The following PIGQ variants were observed in gnomAD, a reference collection of about 807,000 sequenced individuals.
The protein encoded by PIGQ is phosphatidylinositol glycan anchor biosynthesis class Q, also known as phosphatidylinositol N-acetylglucosaminyltransferase subunit Q.
In PIGQ, 54 loss-of-function variants were observed where a neutral mutation model predicts 60.3. The ratio of observed to expected loss-of-function variants is 0.90; its 90% CI spans 0.72 to 1.12. The LOEUF is 1.12. Among genes scored for constraint, PIGQ ranks in the 50% most tolerant of loss-of-function variants. PIGQ has a pLI of 0.00. For synonymous variants in PIGQ, 416 were observed against 363.7 expected (o/e 1.14, Z -1.64); for missense variants, 799 against 793.5 (o/e 1.01, Z -0.08).
intron 1 of PIGQ, among the ~76,000 whole-genome samples, chr16:573,686 G>A (rs1345608076): frequency 6.6e-6 from 1 of 152,202 alleles, no homozygotes; most frequent in Non-Finnish European, 1.5e-5. Context: ...CTCTAATCAG[G>A]TTTCTTAAAA....
At chr16:580,112 A>C in intron 7 of PIGQ, 71 bp from the exon 8 acceptor site, 2 of 1,152,610 alleles carry the variant, frequency 1.7e-6, no homozygotes, top group Non-Finnish European at 2.5e-6. Flanking sequence ...GGGATGGGGG[A>C]GGGCACAGTG....
chr16:581,352 C>T (rs775995294), intron 9 of PIGQ: 23 of 1,204,304 alleles, frequency 1.9e-5, no homozygotes, highest in Non-Finnish European at 2.2e-5. Flanking sequence ...GTAAGTGCCC[C>T]GTCCGCTGTG....
At chr16:571,316 T>C (rs2035620860) in intron 1 of PIGQ, among the ~76,000 whole-genome samples, 1 of 83,932 alleles carries the variant, frequency 1.2e-5, no homozygotes, top group African/African-American at 5.2e-5. Context: ...CTGGCTAGCC[T>C]GGCAACCATG....
chr16:578,853 G>A lies in PIGQ; in HGVS notation c.1138G>A (p.Gly380Ser). The A allele has an allele frequency of 6.2e-7, 1 of 1,613,822 alleles. No individual in the cohort carries two copies. ...GCACGTGGGCCTCTCGGCCTGCCTGGGCCTGACGGTGGCCCTGTCCCTCCT... is the reference window on the plus strand; with the variant it reads ...GCACGTGGGCCTCTCGGCCTGCCTGAGCCTGACGGTGGCCCTGTCCCTCCT... ...LWHVGLSACL[G>S]LTVALSLLSD... Residue 380 changes from glycine to serine, a missense_variant, in exon 6 of 11, where the codon GGC (glycine) becomes AGC (serine). Physicochemically the swap from Gly to Ser is moderately conservative, Grantham distance 56 (BLOSUM62 0). Transcript: ENST00000321878.
rs749930412 is a variant in PIGQ at position 578,470 on chromosome 16, G to T, written c.1034G>T (p.Gly345Val). Residue 345 changes from glycine to valine, a missense_variant, in exon 5 of 11, where the codon GGC (glycine) becomes GTC (valine). Physicochemically the swap from Gly to Val is moderately radical, Grantham distance 109. Coordinates refer to ENST00000321878, the MANE Select transcript of PIGQ (RefSeq NM_004204.5). ...KMNRALDQVLGRFFLYHIHLW... is the reference protein window; with the variant it reads ...KMNRALDQVLVRFFLYHIHLW... ...AACCGTGCACTGGACCAGGTGCTGG[G>T]CCGCTTCTTCCTCTACCACATCCAC... is the stretch of plus-strand genomic sequence containing the variant. 11 of 1,612,700 alleles carry T rather than the reference G, an allele frequency of 6.8e-6. No individual in the cohort carries two copies. Among genetic ancestry groups the T allele is most frequent in the Non-Finnish European group, 8.5e-6 (10 of 1,179,886 alleles).
In PIGQ at chr16:578,951, T is replaced by C; in HGVS notation, c.1223+13T>C. 2 of 1,515,248 alleles carry C rather than the reference T, an allele frequency of 1.3e-6. No individual in the cohort carries two copies. The highest frequency in any genetic ancestry group is 1.1e-5 in the South Asian group (1 of 89,344). 93.9% of individuals were successfully genotyped at this position (1,515,248 alleles called of 1,614,324 possible). ...TCTATGGAGCCAGGTGGGCGTGGGC[T>C]TCCCCCTCCCCACCGCCCCCTGGGA... On this transcript the variant is annotated intron_variant, in intron 6 of 10. Coordinates refer to ENST00000321878, the MANE Select transcript of PIGQ (RefSeq NM_004204.5).
intron 1 of PIGQ, among the ~76,000 whole-genome samples, chr16:572,992 C>T (rs916172763): frequency 5.9e-5 from 9 of 152,230 alleles, no homozygotes; most frequent in South Asian, 2.1e-4. Context: ...CTGAGGAAGG[C>T]GAGCGGCCCA....
At chr16:579,298 G>T (rs368106381) in intron 7 of PIGQ, 118 bp downstream of exon 7, 1 of 737,428 alleles carries the variant, frequency 1.4e-6, no homozygotes, top group Non-Finnish European at 2.3e-6. Context: ...AGCTGAGGCC[G>T]CGCACAGGCC....
rs2035857881 is a variant in PIGQ at position 583,841 on chromosome 16, G to A, written c.*806G>A. The A allele has an allele frequency of 3.0e-6, 2 of 657,568 alleles. No homozygotes were observed. The highest frequency in any genetic ancestry group is 2.7e-5 in the East Asian group (1 of 36,390). 40.7% of individuals were successfully genotyped at this position (657,568 alleles called of 1,614,324 possible). A position where few individuals can be genotyped will look rare whatever the true frequency, so the allele number is the denominator to read the frequency against. On this transcript the variant is annotated 3_prime_UTR_variant, in exon 11 of 11. Transcript: ENST00000321878. Reference sequence around the variant, plus strand: ...GTGCAGACACCTCTGTGGCCCCCCAGGAGTGTGAGTGGCCTGGGGAGGGGG... The same window carrying A: ...GTGCAGACACCTCTGTGGCCCCCCAAGAGTGTGAGTGGCCTGGGGAGGGGG...
At position 578,698 on chromosome 16, in the gene PIGQ, G is replaced by A. The variant is rs1486062993; in HGVS notation, c.1070-87G>A. 1.8e-5 allele frequency: 26 copies of A among 1,482,266 alleles called. No individual in the cohort carries two copies. The East Asian group carries it at 3.2e-4, about 18-fold the overall frequency. The allele number at this position is 1,482,266 out of a possible 1,614,324, so 91.8% of individuals were successfully genotyped here. On this transcript the variant is annotated intron_variant, in intron 5 of 10. Coordinates refer to ENST00000321878, the MANE Select transcript of PIGQ (RefSeq NM_004204.5). ...CTGACCCCACCCTGCCAGGCTACAC[G>A]CACCTCATGTCCTGTGTGTGTGAGG...
intron 1 of PIGQ, among the ~76,000 whole-genome samples, chr16:572,313 A>T (rs1364259709): frequency 6.6e-6 from 1 of 151,618 alleles, no homozygotes; most frequent in African/African-American, 2.4e-5. Flanking sequence ...CCACTGAGGA[A>T]ATGGGCATTT....
Position 582,699 on chromosome 16 carries a change from C to A in PIGQ, c.1594-184C>A, listed in dbSNP as rs3743901. The A allele has an allele frequency of 6.8e-5, 48 of 700,900 alleles. 1 individual carries two copies. In the South Asian group the frequency reaches 7.3e-4, roughly 11 times the overall value. 43.4% of individuals were successfully genotyped at this position (700,900 alleles called of 1,614,324 possible). On this transcript the variant is annotated intron_variant, in intron 10 of 10. Transcript: ENST00000321878. ...GGGGAGATGCAGCTTCTGCCTCCCC[C>A]CAGCGCTCCCTTCTGGCTGCAGGCT...
chr16:581,356 C>T (rs975648936), intron 9 of PIGQ: 28 of 1,199,908 alleles, frequency 2.3e-5, no homozygotes, highest in South Asian at 6.4e-5. Flanking sequence ...GTGCCCCGTC[C>T]GCTGTGCCGG....
At position 583,796 on chromosome 16, in the gene PIGQ, G is replaced by A. The variant is rs766505252; in HGVS notation, c.*761G>A. 5.0e-6 allele frequency: 4 copies of A among 802,014 alleles called. No homozygotes were observed. The highest frequency in any genetic ancestry group is 2.9e-5 in the South Asian group (2 of 68,850). The allele number at this position is 802,014 out of a possible 1,614,324, so 49.7% of individuals were successfully genotyped here. A position where few individuals can be genotyped will look rare whatever the true frequency, so the allele number is the denominator to read the frequency against. ...TCTGTCTCCCTTCATGGGCCTCCCA[G>A]GGAAGGAGGAAGCCCTGCTGTGCAG... On this transcript the variant is annotated 3_prime_UTR_variant, in exon 11 of 11. Transcript: ENST00000321878.
At chr16:578,316 TG>T (rs750608394) in intron 4 of PIGQ, 62 bp from the exon 5 acceptor site, 5 of 1,554,254 alleles carry the variant, frequency 3.2e-6, no homozygotes, top group African/African-American at 1.4e-5. Context: ...CGAAAGAGCC[TG>T]GGGAGATGCA....
rs1469888364 is a variant in PIGQ at position 576,651 on chromosome 16, C to T, written c.942+397C>T. On this transcript the variant is annotated intron_variant, in intron 4 of 10. Transcript: ENST00000321878. ...TTTCCTGTCCAGGGAGGCCCATGTG[C>T]AGCCCAGCTGGGACTTCCTGCCCTG... The T allele has an allele frequency of 1.8e-5, 8 of 448,362 alleles. No individual in the cohort carries two copies. The East Asian group carries it at 2.3e-4, about 13-fold the overall frequency. The allele number at this position is 448,362 out of a possible 1,614,324, so 27.8% of individuals were successfully genotyped here.
chr16:581,289 C>A (rs1312215444), intron 9 of PIGQ: 1 of 1,322,476 alleles, frequency 7.6e-7, no homozygotes. Flanking sequence ...AGGCCAGGGG[C>A]CAAGCGCGGC....
At chr16:582,193 A>C (rs762963340) in intron 9 of PIGQ, 55 bp from the exon 10 acceptor site, 2 of 1,285,198 alleles carry the variant, frequency 1.6e-6, no homozygotes, top group Non-Finnish European at 2.2e-6. Context: ...GCCTCTGCTC[A>C]TGTGTGGGGC....
In PIGQ at chr16:574,550, C is replaced by T. The variant is rs377253487; in HGVS notation, c.476C>T (p.Thr159Met). 8.7e-5 allele frequency: 140 copies of T among 1,604,538 alleles called. No individual in the cohort carries two copies. The highest frequency in any genetic ancestry group is 4.7e-4 in the African/African-American group (35 of 74,946). Reference protein sequence around the residue: ...DRQAGATTASTGGLAAVFDTV... With the variant: ...DRQAGATTASMGGLAAVFDTV... ...CAGGCTGGAGCCACCACTGCCAGCA[C>T]GGGGGGCCTGGCTGCCGTCTTCGAC... The change falls in exon 2 of 11, where the codon ACG (threonine) becomes ATG (methionine). Residue 159 changes from threonine to methionine, a missense_variant. Physicochemically the swap from Thr to Met is moderately conservative, Grantham distance 81. Transcript: ENST00000321878.
Sources: allele counts gnomAD v4.1 joint callset (sites outside exome capture counted in the v4.1 genomes callset), GRCh38; gene constraint gnomAD v4.1.1; transcripts MANE v1.5; gene names NCBI Gene and HGNC (gene_info 2026-07-23, HGNC 2026-07-21).